HMCN1: variants seen among roughly 807,000 people sequenced by gnomAD.
HMCN1 encodes hemicentin-1.
A neutral mutation model predicts 625.9 loss-of-function variants in HMCN1; 321 were observed. The ratio of observed to expected loss-of-function variants is 0.51; its 90% CI spans 0.47 to 0.56. The LOEUF (loss-of-function observed/expected upper bound fraction) is 0.56, where lower values mean the gene tolerates loss of function less well. HMCN1 is among the 20% of genes least tolerant of loss of function. The pLI is 0.00. For synonymous variants in HMCN1, 2,425 were observed against 2,417.6 expected, an observed-to-expected ratio of 1.00 and a Z score of -0.09; for missense variants, 6,588 against 6,887.3, an observed-to-expected ratio of 0.96 and a Z score of 1.54.
chr1:186,041,001 T>C lies in HMCN1; in HGVS notation c.6181-12T>C. 1 of 1,612,482 alleles carries C rather than the reference T, an allele frequency of 6.2e-7. No homozygotes were observed. Among genetic ancestry groups the C allele is most frequent in the Non-Finnish European group, 8.5e-7 (1 of 1,178,814 alleles). On this transcript the variant is annotated splice_polypyrimidine_tract_variant and intron_variant, in intron 39 of 106. Transcript: ENST00000271588. ...AGACATATTGGTTATTTAGCGTTCT[T>C]ACCATTGATAGGTTCTCTCTGGTGG...
Position 186,023,086 on chromosome 1 carries a change from C to CAGAT in HMCN1, c.5684_5687dup (p.Tyr1896Ter), listed in dbSNP as rs1395279731. On this transcript the variant is annotated frameshift_variant, in exon 36 of 107. Coordinates refer to ENST00000271588, the MANE Select transcript of HMCN1 (RefSeq NM_031935.3). LOFTEE classifies it high-confidence loss of function. ...CCAAAACCCTGTTGGAAGATGCTGG[C>CAGAT]AGATACACATGTGTGGCTACCAACG... is the stretch of plus-strand genomic sequence containing the variant. The CAGAT allele has an allele frequency of 6.2e-7, 1 of 1,612,804 alleles. No homozygotes were observed. Among genetic ancestry groups the CAGAT allele is most frequent in the African/African-American group, 1.3e-5 (1 of 74,852 alleles).
chr1:186,021,291 A>G (rs1654705163), intron 35 of HMCN1, among the ~76,000 whole-genome samples: 1 of 152,128 alleles, frequency 6.6e-6, no homozygotes, highest in African/African-American at 2.4e-5. Context: ...GTGAGATAAG[A>G]GACTGGAGAG....
chr1:185,783,607 C>T (rs1357592618), intron 1 of HMCN1, among the ~76,000 whole-genome samples: 1 of 152,174 alleles, frequency 6.6e-6, no homozygotes. Context: ...TGCTGGAGGT[C>T]CACTCCAGAC....
At chr1:186,135,422 A>G (rs144718713) in intron 86 of HMCN1, among the ~76,000 whole-genome samples, 1 of 151,884 alleles carries the variant, frequency 6.6e-6, no homozygotes, top group South Asian at 2.1e-4. Context: ...CTCATTTTAG[A>G]CTCTCTTCTG....
chr1:186,144,502 A>T, intron 90 of HMCN1, 31 bp from the exon 91 acceptor site: 1 of 1,614,068 alleles, frequency 6.2e-7, no homozygotes, highest in Non-Finnish European at 8.5e-7. Flanking sequence ...CTAGGTAGTA[A>T]GAAAGCATGT....
intron 73 of HMCN1, 96 bp downstream of exon 73, chr1:186,114,219 G>C (rs1289066198): frequency 7.4e-6 from 9 of 1,211,794 alleles, no homozygotes; most frequent in Non-Finnish European, 1.2e-6. Flanking sequence ...ATTATGTTTA[G>C]AATCAGCATT....
intron 69 of HMCN1, among the ~76,000 whole-genome samples, chr1:186,104,239 TCCATCTGAGC>T (rs1409520381): frequency 7.2e-5 from 11 of 152,160 alleles, no homozygotes; most frequent in Non-Finnish European, 1.5e-4. Context: ...ACAATTATTC[TCCATCTGAGC>T]CCTAATGCCA....
chr1:185,821,867 A>C (rs1571402516), intron 1 of HMCN1, among the ~76,000 whole-genome samples: 2 of 148,362 alleles, frequency 1.3e-5, no homozygotes. Flanking sequence ...TAAAGCTATT[A>C]CCTGTTGATT....
chr1:186,128,449 AAT>A (rs1021779138), intron 83 of HMCN1, among the ~76,000 whole-genome samples, 158 bp downstream of exon 83: 3 of 151,852 alleles, frequency 2.0e-5, no homozygotes, highest in Admixed American at 6.6e-5. Context: ...CCCTCTACCC[AAT>A]ATATATGTTT....
chr1:186,049,336 A>T lies in HMCN1; in HGVS notation c.6577+497A>T, dbSNP rs115000160. ...ATTAAGGTAATTCTCATACATAGTC[A>T]CAACTTGAGTCTCAGCTGTGGCTAT... On this transcript the variant is annotated intron_variant, in intron 42 of 106. Coordinates refer to ENST00000271588, the MANE Select transcript of HMCN1 (RefSeq NM_031935.3). Among the ~76,000 whole-genome samples, 802 of 152,170 alleles carry T rather than the reference A, an allele frequency of 5.3e-3. 9 individuals are homozygous for T. Among genetic ancestry groups the T allele is most frequent in the African/African-American group, 0.019 (783 of 41,554 alleles).
chr1:185,918,124 C>G (rs1666815773), intron 6 of HMCN1, among the ~76,000 whole-genome samples: 1 of 152,112 alleles, frequency 6.6e-6, no homozygotes, highest in Admixed American at 6.6e-5. Context: ...AAGTCAAAGT[C>G]CCACAATAGG....
At chr1:185,861,199 C>T (rs181324925) in intron 2 of HMCN1, among the ~76,000 whole-genome samples, 13 of 152,256 alleles carry the variant, frequency 8.5e-5, no homozygotes, top group East Asian at 5.8e-4. Context: ...CCAAGTCAAA[C>T]GGCTCAGAGA....
chr1:186,016,760 T>C (rs1031312137), intron 32 of HMCN1, among the ~76,000 whole-genome samples: 1 of 152,076 alleles, frequency 6.6e-6, no homozygotes, highest in Admixed American at 6.6e-5. Flanking sequence ...GAGGAATAGG[T>C]ATGATATGTT....
rs764406954 is a variant in HMCN1 at position 185,916,477 on chromosome 1, T to C, written c.900+4697T>C. Among the ~76,000 whole-genome samples, 134 of 152,296 alleles carry C rather than the reference T, an allele frequency of 8.8e-4. 1 individual carries two copies. The highest frequency in any genetic ancestry group is 1.5e-3 in the Non-Finnish European group (101 of 68,008). On this transcript the variant is annotated intron_variant, in intron 6 of 106. Transcript: ENST00000271588. ...CTTCAGCAGTTTCTGACACATGAAT[T>C]AGTTGTTACTAAAAATGTTGACGCA...
intron 68 of HMCN1, among the ~76,000 whole-genome samples, chr1:186,100,971 A>G (rs993418119): frequency 6.6e-6 from 1 of 152,116 alleles, no homozygotes; most frequent in Non-Finnish European, 1.5e-5. Flanking sequence ...ACTTTCTTAC[A>G]AGCCCCACAA....
At chr1:186,017,467 T>A (rs1654439413) in intron 33 of HMCN1, among the ~76,000 whole-genome samples, 1 of 151,958 alleles carries the variant, frequency 6.6e-6, no homozygotes, top group Admixed American at 6.6e-5. Flanking sequence ...AAAGTTAACA[T>A]GAGTATGTGT....
chr1:186,097,418 G>A (rs1660183943), intron 68 of HMCN1, among the ~76,000 whole-genome samples: 1 of 151,948 alleles, frequency 6.6e-6, no homozygotes. Context: ...AAGGCCTACT[G>A]CCGGGCTTGA....
chr1:186,063,067 C>A (rs200909522), intron 48 of HMCN1, among the ~76,000 whole-genome samples: 7 of 59,834 alleles, frequency 1.2e-4, no homozygotes, highest in East Asian at 6.0e-4. Flanking sequence ...TGTGTGTGTG[C>A]ATATATATAT....
intron 40 of HMCN1, among the ~76,000 whole-genome samples, chr1:186,043,720 T>C (rs2102244475): frequency 6.6e-6 from 1 of 152,268 alleles, no homozygotes; most frequent in Non-Finnish European, 1.5e-5. Context: ...CTATTCTATT[T>C]TGGGCTTCCT....
Sources: allele counts gnomAD v4.1 joint callset (sites outside exome capture counted in the v4.1 genomes callset), GRCh38; gene constraint gnomAD v4.1.1; transcripts MANE v1.5; gene names NCBI Gene and HGNC (gene_info 2026-07-23, HGNC 2026-07-21).